ERGIC1: variants seen among roughly 807,000 people sequenced by gnomAD.
The protein encoded by ERGIC1 is endoplasmic reticulum-Golgi intermediate compartment protein 1.
ERGIC1 carries 19 observed loss-of-function variants against 38.3 expected under a neutral mutation model. The ratio of observed to expected loss-of-function variants is 0.50; its 90% CI spans 0.35 to 0.73. ERGIC1 has a LOEUF of 0.73. Among genes scored for constraint, ERGIC1 ranks in the 30% least tolerant of loss-of-function variants. The pLI, the probability that ERGIC1 is intolerant of heterozygous loss-of-function variation, is 0.01. For missense variants in ERGIC1, 294 were observed against 389.2 expected (o/e 0.76, Z 2.06); for synonymous variants, 124 against 157.6 (o/e 0.79, Z 1.60).
At chr5:172,836,016 C>G (rs1051308009) in intron 1 of ERGIC1, among the ~76,000 whole-genome samples, 1 of 152,234 alleles carries the variant, frequency 6.6e-6, no homozygotes, top group Non-Finnish European at 1.5e-5. Context: ...CCCCCTGCCC[C>G]TGTGTGATTC....
chr5:172,942,663 C>G (rs773248446), intron 9 of ERGIC1, among the ~76,000 whole-genome samples: 1 of 152,172 alleles, frequency 6.6e-6, no homozygotes, highest in Non-Finnish European at 1.5e-5. Flanking sequence ...CGTGGTATTC[C>G]AAGCTGAACT....
At chr5:172,916,343 G>A (rs1331596902) in intron 5 of ERGIC1, 2 of 152,280 alleles carry the variant, frequency 1.3e-5, no homozygotes, top group Non-Finnish European at 2.9e-5. Flanking sequence ...GGTTCACTGG[G>A]GGCTCTCTCT....
chr5:172,939,041 C>T (rs926950829), intron 9 of ERGIC1, among the ~76,000 whole-genome samples: 7 of 150,532 alleles, frequency 4.7e-5, no homozygotes, highest in South Asian at 4.2e-4. Flanking sequence ...CGGGTCTGGG[C>T]GATAGAGTGA....
chr5:172,910,515 TA>T (rs1561731287), intron 4 of ERGIC1, among the ~76,000 whole-genome samples: 4 of 95,426 alleles, frequency 4.2e-5, no homozygotes, highest in African/African-American at 1.2e-4. Context: ...AAGAATGAAT[TA>T]CTTCTTTTTT....
intron 1 of ERGIC1, among the ~76,000 whole-genome samples, chr5:172,859,748 A>C (rs956743309): frequency 1.3e-5 from 2 of 152,192 alleles, no homozygotes; most frequent in African/African-American, 2.4e-5. Flanking sequence ...GCCCTTGGAC[A>C]GGGGACAGCC....
intron 1 of ERGIC1, among the ~76,000 whole-genome samples, chr5:172,872,673 G>A (rs1762045870): frequency 6.6e-6 from 1 of 152,182 alleles, no homozygotes. Flanking sequence ...AAATTAGCCT[G>A]GTGTGGTGGC....
At chr5:172,871,508 G>A (rs778168902) in intron 1 of ERGIC1, among the ~76,000 whole-genome samples, 18 of 152,184 alleles carry the variant, frequency 1.2e-4, no homozygotes, top group African/African-American at 3.1e-4. Flanking sequence ...TCTTCATAAC[G>A]CTTATCAGCA....
intron 1 of ERGIC1, among the ~76,000 whole-genome samples, chr5:172,844,065 C>T (rs1761228077): frequency 1.3e-5 from 2 of 152,172 alleles, no homozygotes; most frequent in African/African-American, 2.4e-5. Flanking sequence ...AAAACCAGGG[C>T]CTCCGGGGTT....
rs1456568072 is a variant in ERGIC1 at position 172,834,263 on chromosome 5, C to A, written c.-151C>A. Reference sequence around the variant, plus strand: ...TGCGCGGAGCGTCACTTCCCGGCAGCGGGAGGCGAGTGGCGAGTGGCGAGT... The same window carrying A: ...TGCGCGGAGCGTCACTTCCCGGCAGAGGGAGGCGAGTGGCGAGTGGCGAGT... On this transcript the variant is annotated 5_prime_UTR_variant, in exon 1 of 10. Coordinates refer to ENST00000393784, the MANE Select transcript of ERGIC1 (RefSeq NM_001031711.3). The surrounding 1 kb of genome is among the most constrained non-coding windows in gnomAD (Gnocchi z 4.1). The A allele has an allele frequency of 2.9e-5, 22 of 755,786 alleles. No homozygotes were observed. The highest frequency in any genetic ancestry group is 3.4e-5 in the Non-Finnish European group (20 of 588,458). 46.8% of individuals were successfully genotyped at this position (755,786 alleles called of 1,614,324 possible).
At chr5:172,894,195 CT>C (rs34730943) in intron 2 of ERGIC1, among the ~76,000 whole-genome samples, 5 of 35,740 alleles carry the variant, frequency 1.4e-4, no homozygotes, top group East Asian at 8.8e-4. Context: ...ACAACTTTTT[CT>C]TTTTTTTTTT....
chr5:172,857,706 G>A (rs1761587927), intron 1 of ERGIC1, among the ~76,000 whole-genome samples: 1 of 151,642 alleles, frequency 6.6e-6, no homozygotes, highest in Non-Finnish European at 1.5e-5. Flanking sequence ...GTCTCACGTG[G>A]CCCCAGGACC....
At chr5:172,912,591 T>C (rs980140436) in intron 4 of ERGIC1, among the ~76,000 whole-genome samples, 12 of 151,918 alleles carry the variant, frequency 7.9e-5, no homozygotes, top group Non-Finnish European at 1.6e-4. Context: ...GTTTCACTAC[T>C]TTGGCCAGGT....
chr5:172,845,015 A>G (rs1226142475), intron 1 of ERGIC1, among the ~76,000 whole-genome samples: 3 of 135,144 alleles, frequency 2.2e-5, no homozygotes, highest in Non-Finnish European at 5.1e-5. Flanking sequence ...TCCCATTCCC[A>G]TCTTCTTGAG....
At chr5:172,949,449 A>C (rs1561748330) in intron 9 of ERGIC1, among the ~76,000 whole-genome samples, 4 of 152,200 alleles carry the variant, frequency 2.6e-5, no homozygotes, top group Non-Finnish European at 5.9e-5. Context: ...GGAGCACTGT[A>C]ACCCACCTGG....
intron 1 of ERGIC1, among the ~76,000 whole-genome samples, chr5:172,872,374 A>C (rs1234690714): frequency 6.6e-6 from 1 of 152,224 alleles, no homozygotes; most frequent in Non-Finnish European, 1.5e-5. Flanking sequence ...AGACAATATG[A>C]GTTACTACTT....
chr5:172,855,061 C>A (rs1337332549), intron 1 of ERGIC1, among the ~76,000 whole-genome samples: 1 of 152,208 alleles, frequency 6.6e-6, no homozygotes, highest in East Asian at 1.9e-4. Flanking sequence ...GAAATGGACT[C>A]AGCTCTCCTT....
At chr5:172,921,965 T>TA (rs1183362993) in intron 5 of ERGIC1, among the ~76,000 whole-genome samples, 1 of 152,240 alleles carries the variant, frequency 6.6e-6, no homozygotes, top group Non-Finnish European at 1.5e-5. Context: ...GCCTTCCCTG[T>TA]AACCCCCATG....
chr5:172,858,917 C>T (rs1039340415), intron 1 of ERGIC1, among the ~76,000 whole-genome samples: 33 of 152,240 alleles, frequency 2.2e-4, no homozygotes, highest in African/African-American at 7.2e-4. Flanking sequence ...TGGACAGTCA[C>T]ACCAGGTCAA....
intron 9 of ERGIC1, among the ~76,000 whole-genome samples, chr5:172,943,244 G>T (rs1764049509): frequency 6.6e-6 from 1 of 152,102 alleles, no homozygotes; most frequent in South Asian, 2.1e-4. Flanking sequence ...TGGGGTGGAT[G>T]GGTATTTTGC....
Sources: gnomAD v4.1 joint callset for allele counts (sites outside exome capture counted in the v4.1 genomes callset) on GRCh38, gnomAD v4.1.1 for gene constraint, Gnocchi (gnomAD v3.1) non-coding constraint, MANE v1.5 for transcripts, NCBI Gene and HGNC (gene_info 2026-07-23, HGNC 2026-07-21) for gene names.